The following GNAQ variants were observed in gnomAD, a reference collection of about 807,000 sequenced individuals.
GNAQ encodes the protein G protein subunit alpha q, also known as guanine nucleotide-binding protein G(q) subunit alpha.
A neutral mutation model predicts 43.9 loss-of-function variants in GNAQ; 8 were observed. That is an observed-to-expected ratio of 0.18 (90% CI 0.11 to 0.33). The LOEUF is 0.33. GNAQ is among the 10% of genes least tolerant of loss of function. The probability of loss-of-function intolerance (pLI) is 1.00; values close to 1 mark genes in which losing one functional copy is unlikely to be tolerated. For synonymous variants in GNAQ, 155 were observed against 170.7 expected (o/e 0.91, Z 0.71); for missense variants, 158 against 450.8 (o/e 0.35, Z 5.88).
chr9:77,870,622 G>A (rs896356574), intron 2 of GNAQ, among the ~76,000 whole-genome samples: 6 of 151,876 alleles, frequency 4.0e-5, no homozygotes, highest in South Asian at 2.1e-4. Context: ...ACCGCGCCCC[G>A]CCTTTGGTGC....
intron 2 of GNAQ, among the ~76,000 whole-genome samples, chr9:77,860,941 T>C (rs1029329607): frequency 1.3e-5 from 2 of 152,212 alleles, no homozygotes; most frequent in African/African-American, 4.8e-5. Context: ...GTGAACATAT[T>C]ACTGTCTAAA....
At chr9:78,021,792 A>G (rs1331544532) in intron 1 of GNAQ, among the ~76,000 whole-genome samples, 1 of 152,268 alleles carries the variant, frequency 6.6e-6, no homozygotes, top group East Asian at 1.9e-4. Flanking sequence ...CAACGCTTAA[A>G]GCCCAATGAA....
chr9:77,911,622 G>A (rs1470158213), intron 2 of GNAQ, among the ~76,000 whole-genome samples: 2 of 152,072 alleles, frequency 1.3e-5, no homozygotes, highest in South Asian at 4.1e-4. Context: ...AGAAAACCCA[G>A]GTAAGCCTTT....
At chr9:77,727,428 G>A (rs754637338) in intron 6 of GNAQ, among the ~76,000 whole-genome samples, 2 of 152,188 alleles carry the variant, frequency 1.3e-5, no homozygotes, top group Non-Finnish European at 2.9e-5. Context: ...TCTCAGAATG[G>A]GTTGGGTGTC....
chr9:77,792,288 T>C (rs1026593932), intron 5 of GNAQ, among the ~76,000 whole-genome samples: 1 of 152,116 alleles, frequency 6.6e-6, no homozygotes, highest in Non-Finnish European at 1.5e-5. Context: ...GAAAAAATGA[T>C]AGCTTTATTA....
chr9:77,765,104 G>A (rs1826113889), intron 5 of GNAQ, among the ~76,000 whole-genome samples: 1 of 151,954 alleles, frequency 6.6e-6, no homozygotes, highest in Non-Finnish European at 1.5e-5. Context: ...TGGCTAACTT[G>A]AGCAGTTAAG....
chr9:77,901,364 C>T (rs550960294), intron 2 of GNAQ, among the ~76,000 whole-genome samples: 1 of 152,310 alleles, frequency 6.6e-6, no homozygotes, highest in East Asian at 1.9e-4. Context: ...AAAACCTGGC[C>T]CATCTGTGTA....
At chr9:77,891,325 G>A (rs545016951) in intron 2 of GNAQ, among the ~76,000 whole-genome samples, 11 of 152,088 alleles carry the variant, frequency 7.2e-5, no homozygotes, top group African/African-American at 2.4e-4. Flanking sequence ...TTCTCTGCAC[G>A]TTTAAATAGT....
intron 1 of GNAQ, among the ~76,000 whole-genome samples, chr9:77,954,963 C>G (rs185082063): frequency 2.0e-5 from 3 of 152,218 alleles, no homozygotes; most frequent in African/African-American, 7.2e-5. Context: ...TCTTGACCAC[C>G]GCATGATTTC....
rs116681781 is a variant in GNAQ, at chr9:77,731,505, A to C, written c.736-2838T>G. On this transcript the variant is annotated intron_variant, in intron 5 of 6. Coordinates refer to ENST00000286548, the MANE Select transcript of GNAQ (RefSeq NM_002072.5). ...CATGTGGACTGAAGCCTGCGCTTCT[A>C]GCTCAGGGGAAAGCTAAAATGGGCA... Among the ~76,000 whole-genome samples, 1,124 of 152,322 alleles carry C rather than the reference A, an allele frequency of 7.4e-3. 10 individuals carry two copies. The highest frequency in any genetic ancestry group is 0.026 in the African/African-American group (1,080 of 41,562).
chr9:77,799,634 C>G (rs1826712490), intron 3 of GNAQ, among the ~76,000 whole-genome samples: 1 of 152,160 alleles, frequency 6.6e-6, no homozygotes, highest in Non-Finnish European at 1.5e-5. Context: ...TTCCTGGAAT[C>G]ATAAAGTAGG....
intron 5 of GNAQ, among the ~76,000 whole-genome samples, chr9:77,761,357 T>C (rs1179383106): frequency 2.7e-4 from 30 of 109,560 alleles, no homozygotes; most frequent in Admixed American, 1.9e-3. Context: ...AGCCGCCCCG[T>C]CCGGGAGGTG....
intron 1 of GNAQ, among the ~76,000 whole-genome samples, chr9:78,010,522 A>C (rs1674383693): frequency 6.6e-6 from 1 of 152,106 alleles, no homozygotes; most frequent in African/African-American, 2.4e-5. Flanking sequence ...TTGGACTTTA[A>C]AGCACATTCT....
At chr9:77,758,519 GTA>G (rs1464646301) in intron 5 of GNAQ, among the ~76,000 whole-genome samples, 1 of 152,188 alleles carries the variant, frequency 6.6e-6, no homozygotes, top group Non-Finnish European at 1.5e-5. Flanking sequence ...AAAAATGCAT[GTA>G]TATAGCAGAA....
chr9:77,859,332 T>A (rs1827808271), intron 2 of GNAQ, among the ~76,000 whole-genome samples: 1 of 152,236 alleles, frequency 6.6e-6, no homozygotes, highest in Non-Finnish European at 1.5e-5. Context: ...ATTCACTCCC[T>A]TAATGGATTT....
Position 77,935,398 on chromosome 9 carries a change from G to A in GNAQ, c.137-13053C>T, listed in dbSNP as rs1477433195. Among the ~76,000 whole-genome samples, 4 of 152,132 alleles carry A rather than the reference G, an allele frequency of 2.6e-5. No homozygotes were observed. In the East Asian group the frequency reaches 7.7e-4, roughly 29 times the overall value. On this transcript the variant is annotated intron_variant, in intron 1 of 6. Transcript: ENST00000286548. ...TGGGAGAATCCAACTACGTCATAAA[G>A]AGATGCATTAGGAAATCAGTTGGGT...
intron 1 of GNAQ, among the ~76,000 whole-genome samples, chr9:78,008,949 C>T (rs1376781538): frequency 6.6e-6 from 1 of 152,190 alleles, no homozygotes; most frequent in Non-Finnish European, 1.5e-5. Flanking sequence ...GAAATTTAAA[C>T]ATTGACACTA....
chr9:77,763,910 C>A (rs867443294), intron 5 of GNAQ, among the ~76,000 whole-genome samples: 1 of 152,138 alleles, frequency 6.6e-6, no homozygotes, highest in Admixed American at 6.5e-5. Context: ...CTTGTTCTTT[C>A]GGCAATACAT....
rs554783626 is a variant in GNAQ, at chr9:77,904,317, C to CTTTTTTTTTTT, written c.321+17833_321+17843dup. 6.2e-4 allele frequency among the ~76,000 whole-genome samples: 48 copies of CTTTTTTTTTTT among 77,428 alleles called. 4 individuals carry two copies. The highest frequency in any genetic ancestry group is 4.6e-3 in the East Asian group (8 of 1,734). The allele number at this position is 77,428 out of a possible 152,430, so 50.8% of individuals were successfully genotyped here. The stretch of plus-strand genomic sequence containing the variant: ...TGGAGTTAACAGAAGTTCACACCGG[C>CTTTTTTTTTTT]TTTTTTTTTTTTTTTTTTTTTTTTT... On this transcript the variant is annotated intron_variant, in intron 2 of 6. Coordinates refer to ENST00000286548, the MANE Select transcript of GNAQ (RefSeq NM_002072.5).
Sources: allele counts gnomAD v4.1 joint callset (sites outside exome capture counted in the v4.1 genomes callset), GRCh38; gene constraint gnomAD v4.1.1; transcripts MANE v1.5; gene names NCBI Gene and HGNC (gene_info 2026-07-23, HGNC 2026-07-21).